SLC41A3: variants seen among roughly 807,000 people sequenced by gnomAD.
SLC41A3 encodes the protein solute carrier family 41 member 3.
A neutral mutation model predicts 45.4 loss-of-function variants in SLC41A3; 44 were observed. That is an observed-to-expected ratio of 0.97 (90% CI 0.76 to 1.25). The LOEUF (loss-of-function observed/expected upper bound fraction) is 1.25. Ranked by LOEUF, SLC41A3 falls within the 50% of genes most tolerant of loss-of-function variation. The pLI, the probability that SLC41A3 is intolerant of heterozygous loss-of-function variation, is 0.00. For missense variants in SLC41A3, 550 were observed against 600.6 expected, an observed-to-expected ratio of 0.92 and a Z score of 0.88; for synonymous variants, 256 against 252.4, an observed-to-expected ratio of 1.01 and a Z score of -0.13.
At chr3:126,024,270 A>G (rs1230535606) in intron 5 of SLC41A3, 1 of 152,262 alleles carries the variant, frequency 6.6e-6, no homozygotes, top group East Asian at 1.9e-4. Context: ...GGGAGCTGGG[A>G]ATGGTGTTCT....
intron 1 of SLC41A3, among the ~76,000 whole-genome samples, chr3:126,090,356 TG>T (rs1341780893): frequency 6.6e-6 from 1 of 152,202 alleles, no homozygotes; most frequent in African/African-American, 2.4e-5. Flanking sequence ...ACACAGAAAT[TG>T]GTCTTACTAT....
intron 3 of SLC41A3, among the ~76,000 whole-genome samples, chr3:126,047,481 G>A (rs1166152618): frequency 2.0e-5 from 3 of 152,196 alleles, no homozygotes; most frequent in African/African-American, 7.2e-5. Context: ...GAACAAGGTT[G>A]GAGGTCTCAT....
chr3:126,065,858 A>G (rs1944322009), intron 2 of SLC41A3, among the ~76,000 whole-genome samples: 2 of 152,218 alleles, frequency 1.3e-5, no homozygotes, highest in African/African-American at 4.8e-5. Context: ...AAGAAAACAG[A>G]AAAACACCCC....
chr3:126,055,835 G>A (rs1458466995), intron 2 of SLC41A3, among the ~76,000 whole-genome samples: 1 of 151,970 alleles, frequency 6.6e-6, no homozygotes, highest in Non-Finnish European at 1.5e-5. Flanking sequence ...GCACCCCCAG[G>A]GCTGCAAACC....
intron 2 of SLC41A3, among the ~76,000 whole-genome samples, chr3:126,052,008 T>C (rs1943368389): frequency 1.3e-5 from 2 of 152,080 alleles, no homozygotes; most frequent in Non-Finnish European, 1.5e-5. Flanking sequence ...GGCGTGAAGG[T>C]GAAGAGATCA....
intron 1 of SLC41A3, among the ~76,000 whole-genome samples, chr3:126,091,148 C>T (rs1468428596): frequency 1.3e-5 from 2 of 152,196 alleles, no homozygotes; most frequent in South Asian, 4.1e-4. Flanking sequence ...TATGAAGGTA[C>T]ATTTGTCAAG....
chr3:126,051,640 T>A (rs190798971), intron 2 of SLC41A3, among the ~76,000 whole-genome samples: 4 of 152,276 alleles, frequency 2.6e-5, no homozygotes, highest in Admixed American at 2.6e-4. Context: ...GATTCATGCT[T>A]CAAGGAAAAT....
Position 126,026,959 on chromosome 3 carries a change from G to A in SLC41A3, c.454-480C>T, listed in dbSNP as rs1483462554. ...CCCTGCTCACACCCTCCCCTTCCAG[G>A]CTCTGTTCCCATCTCTGTCCTGCCA... On this transcript the variant is annotated intron_variant, in intron 4 of 10. Transcript: ENST00000360370. The surrounding 1 kb of genome is among the most constrained non-coding windows in gnomAD (Gnocchi z 4.2). Among the ~76,000 whole-genome samples, 1 of 152,102 alleles carries A rather than the reference G, an allele frequency of 6.6e-6. No homozygotes were observed.
chr3:126,043,096 CATT>C (rs1392944608), intron 3 of SLC41A3, among the ~76,000 whole-genome samples: 2 of 150,822 alleles, frequency 1.3e-5, no homozygotes, highest in African/African-American at 4.9e-5. Context: ...TACTGAGACA[CATT>C]ATAAACAAAC....
At chr3:126,021,270 T>C (rs1052272946) in intron 6 of SLC41A3, among the ~76,000 whole-genome samples, 1 of 152,176 alleles carries the variant, frequency 6.6e-6, no homozygotes, top group African/African-American at 2.4e-5. Context: ...GGGCGGGCCT[T>C]TATCTATCAC....
intron 1 of SLC41A3, chr3:126,092,841 G>C (rs1310319142): frequency 6.6e-6 from 1 of 152,198 alleles, no homozygotes; most frequent in Non-Finnish European, 1.5e-5. Context: ...GTGTAACGAA[G>C]TAACAGTAGA....
chr3:126,049,256 G>A (rs1331708658), intron 3 of SLC41A3, among the ~76,000 whole-genome samples: 1 of 152,206 alleles, frequency 6.6e-6, no homozygotes, highest in African/African-American at 2.4e-5. Context: ...GGAGGCTGAG[G>A]CGGGCAGATC....
In SLC41A3 at chr3:126,046,961, C is replaced by CAA. The variant is rs36095026; in HGVS notation, c.381+3980_381+3981dup. Among the ~76,000 whole-genome samples, 695 of 81,072 alleles carry CAA rather than the reference C, an allele frequency of 8.6e-3. 9 individuals are homozygous for CAA. The highest frequency in any genetic ancestry group is 0.028 in the African/African-American group (629 of 22,380). 53.2% of individuals were successfully genotyped at this position (81,072 alleles called of 152,430 possible). On this transcript the variant is annotated intron_variant, in intron 3 of 10. Transcript: ENST00000360370. ...TGGGCAATGGAGCGAAACTCCATCT[C>CAA]AAAAAAAAAAAAAAAAGAAAAGAAA...
intron 1 of SLC41A3, among the ~76,000 whole-genome samples, chr3:126,068,461 G>C (rs1393807041): frequency 6.6e-6 from 1 of 152,040 alleles, no homozygotes; most frequent in African/African-American, 2.4e-5. Context: ...ATACAGAAAA[G>C]CACAAACATA....
intron 1 of SLC41A3, among the ~76,000 whole-genome samples, chr3:126,083,460 T>C (rs988261564): frequency 6.6e-5 from 10 of 152,266 alleles, no homozygotes; most frequent in African/African-American, 2.4e-4. Flanking sequence ...CCGGCTCTCC[T>C]GGATGGAGAG....
Position 126,007,094 on chromosome 3 carries a change from G to A in SLC41A3, c.1386C>T (p.Leu462=). The A allele has an allele frequency of 6.2e-7, 1 of 1,614,216 alleles. No individual in the cohort carries two copies. The highest frequency in any genetic ancestry group is 1.3e-5 in the African/African-American group (1 of 75,064). Residue 462 remains leucine, a synonymous_variant, in exon 11 of 11, where the codon CTC becomes CTT. Coordinates refer to ENST00000360370, the MANE Select transcript of SLC41A3 (RefSeq NM_017836.4). ...GDLLGTGLLA[L]CFFTDWLLKS... is the part of the protein sequence containing the mutation. ...TCAGTAGCCAGTCAGTGAAAAAGCA[G>A]AGTGCCAGGAGGCCAGTACCGAGCA...
rs374375436 is a variant in SLC41A3 at position 126,056,440 on chromosome 3, G to T, written c.274-5390C>A. 9 of 1,614,218 alleles carry T rather than the reference G, an allele frequency of 5.6e-6. No homozygotes were observed. The African/African-American group carries it at 1.2e-4, about 22-fold the overall frequency. ...GGGCACCACGACCTGGCACATGATG[G>T]TGAAGAAAGATTCAGGCAAGACCCC... On this transcript the variant is annotated intron_variant, in intron 2 of 10. Transcript: ENST00000360370.
At chr3:126,090,319 A>G (rs2108128935) in intron 1 of SLC41A3, among the ~76,000 whole-genome samples, 1 of 152,320 alleles carries the variant, frequency 6.6e-6, no homozygotes, top group Admixed American at 6.5e-5. Context: ...TAATCAGGAC[A>G]AGTATAATGA....
intron 2 of SLC41A3, among the ~76,000 whole-genome samples, chr3:126,053,227 T>A (rs890233345): frequency 5.3e-5 from 8 of 152,212 alleles, no homozygotes; most frequent in Middle Eastern, 3.4e-3. Flanking sequence ...TGAGGGTGGG[T>A]CCTAGCCCAG....
Sources: gnomAD v4.1 joint callset for allele counts (sites outside exome capture counted in the v4.1 genomes callset) on GRCh38, gnomAD v4.1.1 for gene constraint, Gnocchi (gnomAD v3.1) non-coding constraint, MANE v1.5 for transcripts, NCBI Gene and HGNC (gene_info 2026-07-23, HGNC 2026-07-21) for gene names.